ABCC11: variants seen among roughly 807,000 people sequenced by gnomAD.
The protein encoded by ABCC11 is ATP binding cassette subfamily C member 11.
A neutral mutation model predicts 149.3 loss-of-function variants in ABCC11; 135 were observed. That is an observed-to-expected ratio of 0.90 (90% CI 0.79 to 1.04). The LOEUF (loss-of-function observed/expected upper bound fraction) is 1.04, where lower values mean the gene tolerates loss of function less well. Among genes scored for constraint, ABCC11 ranks in the 50% least tolerant of loss-of-function variants. The pLI, the probability that ABCC11 is intolerant of heterozygous loss-of-function variation, is 0.00. For synonymous variants in ABCC11, 665 were observed against 671.4 expected (o/e 0.99, Z 0.15); for missense variants, 1,680 against 1,722.1 (o/e 0.98, Z 0.43).
intron 20 of ABCC11, among the ~76,000 whole-genome samples, chr16:48,187,966 G>A (rs1966840785): frequency 6.6e-6 from 1 of 152,124 alleles, no homozygotes; most frequent in South Asian, 2.1e-4. Context: ...CCACCAGTGT[G>A]TCGTGTCAGT....
chr16:48,190,382 A>G (rs1966866299), intron 20 of ABCC11, among the ~76,000 whole-genome samples: 1 of 151,574 alleles, frequency 6.6e-6, no homozygotes, highest in Admixed American at 6.6e-5. Context: ...TTTTTAAATG[A>G]GATAGGGTCT....
At chr16:48,244,536 A>G in intron 1 of ABCC11, 1 of 1,569,282 alleles carries the variant, frequency 6.4e-7, no homozygotes, top group East Asian at 2.4e-5. Flanking sequence ...TCTGAAGGGC[A>G]CGTCGCTGCA....
At chr16:48,165,741 C>T (rs2150694740), downstream of ABCC11, 1 of 152,346 alleles carries the variant, frequency 6.6e-6, no homozygotes, top group African/African-American at 2.4e-5. Flanking sequence ...ATTTCATCCC[C>T]AGCACCAGTG....
At chr16:48,171,062 T>C (rs2150713993) in intron 26 of ABCC11, 95 bp from the exon 27 acceptor site, 1 of 1,121,114 alleles carries the variant, frequency 8.9e-7, no homozygotes, top group Non-Finnish European at 1.3e-6. Flanking sequence ...TGTTTAGAAC[T>C]GGATTATGGG....
chr16:48,228,423 G>A (rs1970219564), intron 3 of ABCC11, among the ~76,000 whole-genome samples: 1 of 151,966 alleles, frequency 6.6e-6, no homozygotes, highest in South Asian at 2.1e-4. Flanking sequence ...GTGAAACCCT[G>A]TATCTACTAA....
intron 15 of ABCC11, among the ~76,000 whole-genome samples, chr16:48,199,277 A>C (rs996990381): frequency 1.3e-5 from 2 of 152,154 alleles, no homozygotes; most frequent in African/African-American, 4.8e-5. Flanking sequence ...GAGAGCAGAA[A>C]GGGAGAACTG....
At chr16:48,203,126 T>C in intron 14 of ABCC11, 102 bp downstream of exon 14, 1 of 1,277,288 alleles carries the variant, frequency 7.8e-7, no homozygotes, top group Non-Finnish European at 1.1e-6. Flanking sequence ...CCAACTGCTT[T>C]GGGAGGAAGA....
At chr16:48,206,022 G>C (rs948553737) in intron 12 of ABCC11, among the ~76,000 whole-genome samples, 33 of 152,282 alleles carry the variant, frequency 2.2e-4, no homozygotes, top group African/African-American at 7.0e-4. Context: ...GTGTTAGCCA[G>C]GATGGTCTCG....
intron 1 of ABCC11, among the ~76,000 whole-genome samples, chr16:48,245,528 G>A (rs1469103989): frequency 2.0e-5 from 3 of 152,164 alleles, no homozygotes; most frequent in African/African-American, 7.2e-5. Context: ...GTCAAATTGA[G>A]ATGATAGAAT....
intron 1 of ABCC11, among the ~76,000 whole-genome samples, chr16:48,242,620 G>T (rs759779392): frequency 2.6e-5 from 4 of 152,080 alleles, no homozygotes; most frequent in Non-Finnish European, 5.9e-5. Context: ...GGCACTATTC[G>T]CAATAGCAAA....
At chr16:48,195,802 C>T (rs1225312192) in intron 18 of ABCC11, among the ~76,000 whole-genome samples, 1 of 152,104 alleles carries the variant, frequency 6.6e-6, no homozygotes, top group East Asian at 1.9e-4. Flanking sequence ...TTCAGTGCTG[C>T]TCATGATAAA....
At chr16:48,191,331 T>C (rs866472445) in intron 20 of ABCC11, among the ~76,000 whole-genome samples, 153 of 151,632 alleles carry the variant, frequency 1.0e-3, no homozygotes, top group African/African-American at 3.7e-3. Context: ...AGCCCAGGAG[T>C]TCAAGACCAG....
At position 48,230,537 on chromosome 16, in the gene ABCC11, G is replaced by C. The variant is rs754954499; in HGVS notation, c.136C>G (p.Gln46Glu). Residue 46 changes from glutamine (Q) to glutamate (E), a missense_variant, in exon 3 of 30, where the codon CAA (glutamine) becomes GAA (glutamate). Transcript: ENST00000356608. ...CCTGGAGCCTCAGGATTTCTCTCTT[G>C]CTGACTCCAGGGGCCATCTTGGAGA... ...YTLQDGPWSQ[Q>E]ERNPEAPGRA... 3 of 1,612,200 alleles carry C rather than the reference G, an allele frequency of 1.9e-6. No homozygotes were observed. In the South Asian group the frequency reaches 3.3e-5, roughly 18 times the overall value.
rs1965329276 is a variant in ABCC11 at position 48,166,166 on chromosome 16, C to G, written c.*1108G>C. ...AGGGCAGCAAATCCCATCCCCAGGCCCAAATATGGGCATGTGGCTCAGGCC... is the reference window on the plus strand; with the variant it reads ...AGGGCAGCAAATCCCATCCCCAGGCGCAAATATGGGCATGTGGCTCAGGCC... On this transcript the variant is annotated 3_prime_UTR_variant, in exon 30 of 30. Coordinates refer to ENST00000356608, the MANE Select transcript of ABCC11 (RefSeq NM_001370497.1). Among the ~76,000 whole-genome samples the G allele has an allele frequency of 6.6e-6, 1 of 152,268 alleles. No individual in the cohort carries two copies. Among genetic ancestry groups the G allele is most frequent in the South Asian group, 2.1e-4 (1 of 4,822 alleles).
chr16:48,244,265 C>A (rs2150949227), intron 1 of ABCC11: 1 of 683,850 alleles, frequency 1.5e-6, no homozygotes, highest in Non-Finnish European at 2.3e-6. Context: ...CGGGGACGGA[C>A]CGTAGCGCGT....
chr16:48,199,618 G>A (rs565109472), intron 15 of ABCC11, among the ~76,000 whole-genome samples: 1 of 151,600 alleles, frequency 6.6e-6, no homozygotes, highest in African/African-American at 2.4e-5. Flanking sequence ...GGGAGACTTG[G>A]GGAATTCTTT....
In ABCC11 at chr16:48,166,325, C is replaced by T. The variant is rs548763613; in HGVS notation, c.*949G>A. ...CCTGGGGGGTGCAGAGTGTGTAGGA[C>T]GTGAACCTGGAGCTGCAGGCAACCA... is the stretch of plus-strand genomic sequence containing the variant. On this transcript the variant is annotated 3_prime_UTR_variant, in exon 30 of 30. Coordinates refer to ENST00000356608, the MANE Select transcript of ABCC11 (RefSeq NM_001370497.1). 1.3e-5 allele frequency among the ~76,000 whole-genome samples: 2 copies of T among 152,252 alleles called. No individual in the cohort carries two copies. Among genetic ancestry groups the T allele is most frequent in the African/African-American group, 4.8e-5 (2 of 41,542 alleles).
intron 3 of ABCC11, among the ~76,000 whole-genome samples, chr16:48,229,627 G>C (rs1970303091): frequency 6.6e-6 from 1 of 150,694 alleles, no homozygotes; most frequent in South Asian, 2.1e-4. Flanking sequence ...ACCGCACCCG[G>C]CTAATTTTTT....
rs756337337 is a variant in ABCC11, at chr16:48,184,489, G to C, written c.3209C>G (p.Ser1070Cys). The change falls in exon 23 of 30, where the codon TCC becomes TGC. Residue 1070 changes from serine to cysteine, a missense_variant. Transcript: ENST00000356608. ...GACTTTAAAGGAGTAGGGGGTGGAG[G>C]AAATGCCAAAAGCCACGAACAGGGC... ...AVALFVAFGI[S>C]STPYSFKVMA... 2 of 1,614,212 alleles carry C rather than the reference G, an allele frequency of 1.2e-6. No homozygotes were observed. Among genetic ancestry groups the C allele is most frequent in the Non-Finnish European group, 1.7e-6 (2 of 1,180,036 alleles).
Sources: allele counts gnomAD v4.1 joint callset (sites outside exome capture counted in the v4.1 genomes callset), GRCh38; gene constraint gnomAD v4.1.1; transcripts MANE v1.5; gene names NCBI Gene and HGNC (gene_info 2026-07-23, HGNC 2026-07-21).